Variants in FAM135A observed in about 807,000 individuals in gnomAD.
FAM135A encodes the protein family with sequence similarity 135 member A.
In FAM135A, 79 loss-of-function variants were observed where a neutral mutation model predicts 146.8. That is an observed-to-expected ratio of 0.54 (90% CI 0.45 to 0.65). The LOEUF (loss-of-function observed/expected upper bound fraction) is 0.65. FAM135A is among the 30% of genes least tolerant of loss of function. The pLI is 0.00. For synonymous variants in FAM135A, 562 were observed against 603.6 expected, an observed-to-expected ratio of 0.93 and a Z score of 1.01; for missense variants, 1,623 against 1,758.2, an observed-to-expected ratio of 0.92 and a Z score of 1.38.
chr6:70,521,187 A>G (rs573133892), intron 12 of FAM135A, among the ~76,000 whole-genome samples: 1 of 152,232 alleles, frequency 6.6e-6, no homozygotes, highest in South Asian at 2.1e-4. Flanking sequence ...TGTGGAGACT[A>G]TGAGGTAGAG....
chr6:70,447,109 A>G (rs946421445), intron 4 of FAM135A, among the ~76,000 whole-genome samples: 9 of 152,232 alleles, frequency 5.9e-5, no homozygotes, highest in Non-Finnish European at 8.8e-5. Flanking sequence ...GTGGACAGTC[A>G]GTGCTGTAGA....
chr6:70,536,464 G>T, intron 19 of FAM135A, 53 bp downstream of exon 19: 1 of 1,366,222 alleles, frequency 7.3e-7, no homozygotes, highest in South Asian at 1.9e-5. Flanking sequence ...AGAAAAATAT[G>T]AACTTAGTAT....
At chr6:70,424,618 T>C (rs1008014722) in intron 2 of FAM135A, among the ~76,000 whole-genome samples, 1 of 152,252 alleles carries the variant, frequency 6.6e-6, no homozygotes, top group Admixed American at 6.5e-5. Flanking sequence ...AAGAATTCCT[T>C]TGACCAAGGC....
intron 10 of FAM135A, among the ~76,000 whole-genome samples, chr6:70,482,691 A>G (rs1352202308): frequency 1.3e-5 from 2 of 152,184 alleles, no homozygotes; most frequent in Non-Finnish European, 2.9e-5. Context: ...TTCATTCAAA[A>G]GTAATACCTG....
At chr6:70,452,623 C>G (rs1313009020) in intron 5 of FAM135A, 52 bp downstream of exon 5, 30 of 1,375,396 alleles carry the variant, frequency 2.2e-5, no homozygotes, top group Non-Finnish European at 3.0e-5. Context: ...TGGTCAATAA[C>G]TTTTAATAAA....
At chr6:70,466,240 C>T (rs1204648378) in intron 5 of FAM135A, among the ~76,000 whole-genome samples, 1 of 152,002 alleles carries the variant, frequency 6.6e-6, no homozygotes, top group Non-Finnish European at 1.5e-5. Flanking sequence ...ACCCAGGTAC[C>T]CAACCTTTCA....
At chr6:70,433,771 T>G (rs954789625) in intron 4 of FAM135A, among the ~76,000 whole-genome samples, 5 of 152,196 alleles carry the variant, frequency 3.3e-5, no homozygotes, top group Non-Finnish European at 5.9e-5. Flanking sequence ...TCGGGTGTAA[T>G]AGATTATTCA....
At chr6:70,547,606 C>T (rs1474561098) in intron 20 of FAM135A, among the ~76,000 whole-genome samples, 3 of 152,066 alleles carry the variant, frequency 2.0e-5, no homozygotes, top group Non-Finnish European at 2.9e-5. Flanking sequence ...CAGAAAATCA[C>T]CAGTTTAGAA....
At chr6:70,458,308 T>TATTTACA (rs1778770232) in intron 5 of FAM135A, among the ~76,000 whole-genome samples, 2 of 152,210 alleles carry the variant, frequency 1.3e-5, no homozygotes, top group Non-Finnish European at 2.9e-5. Flanking sequence ...AAATTTTACC[T>TATTTACA]GTCATGTCTG....
chr6:70,516,756 C>T (rs563777634), intron 12 of FAM135A, among the ~76,000 whole-genome samples: 4 of 151,964 alleles, frequency 2.6e-5, no homozygotes, highest in Admixed American at 2.0e-4. Flanking sequence ...AGGATGGTCT[C>T]GATCTCCTGA....
chr6:70,467,941 T>TTTTGAA, intron 5 of FAM135A, among the ~76,000 whole-genome samples: 1 of 152,198 alleles, frequency 6.6e-6, no homozygotes, highest in Non-Finnish European at 1.5e-5. Context: ...AGTGTCCTTC[T>TTTTGAA]GATATTTGAT....
At chr6:70,503,460 CAT>C (rs1374432632) in intron 12 of FAM135A, 1 of 151,956 alleles carries the variant, frequency 6.6e-6, no homozygotes, top group Non-Finnish European at 1.5e-5. Flanking sequence ...AATTATAAAA[CAT>C]AACACATAAA....
chr6:70,508,827 A>G (rs1440074263), intron 12 of FAM135A, among the ~76,000 whole-genome samples: 3 of 152,220 alleles, frequency 2.0e-5, no homozygotes, highest in Non-Finnish European at 4.4e-5. Context: ...CAATATAAGT[A>G]TATCTGGTGC....
chr6:70,499,292 AT>A (rs1253246984), intron 11 of FAM135A, among the ~76,000 whole-genome samples: 2 of 152,098 alleles, frequency 1.3e-5, no homozygotes, highest in Non-Finnish European at 2.9e-5. Flanking sequence ...CTAGGATTTC[AT>A]CCCCTGCTGT....
At chr6:70,510,921 C>A (rs1033622727) in intron 12 of FAM135A, among the ~76,000 whole-genome samples, 1 of 152,042 alleles carries the variant, frequency 6.6e-6, no homozygotes, top group Non-Finnish European at 1.5e-5. Flanking sequence ...CATATACTTA[C>A]AAACACTTGT....
chr6:70,558,635 C>A lies in FAM135A; in HGVS notation c.4343-1081C>A, dbSNP rs1480484004. On this transcript the variant is annotated intron_variant, in intron 21 of 21. Transcript: ENST00000418814. The stretch of plus-strand genomic sequence containing the variant: ...GACTAGCTTGGGCAACATAGCAAGA[C>A]CCCATTCTACCAAAAATAAAAAATT... Among the ~76,000 whole-genome samples the A allele has an allele frequency of 2.6e-5, 4 of 152,008 alleles. No homozygotes were observed. In the South Asian group the frequency reaches 6.2e-4, roughly 24 times the overall value.
At chr6:70,434,066 T>A (rs998240360) in intron 4 of FAM135A, among the ~76,000 whole-genome samples, 1 of 152,196 alleles carries the variant, frequency 6.6e-6, no homozygotes, top group Non-Finnish European at 1.5e-5. Flanking sequence ...GGAATGTGGA[T>A]GTATGTCTTA....
intron 11 of FAM135A, among the ~76,000 whole-genome samples, chr6:70,500,020 G>A (rs1336320999): frequency 1.3e-5 from 2 of 152,078 alleles, no homozygotes; most frequent in East Asian, 1.9e-4. Context: ...TTGAATGTTG[G>A]CCTGTCATGC....
At chr6:70,460,955 C>T (rs1779320822) in intron 5 of FAM135A, among the ~76,000 whole-genome samples, 1 of 151,458 alleles carries the variant, frequency 6.6e-6, no homozygotes, top group Non-Finnish European at 1.5e-5. Context: ...TCCCGAGTAG[C>T]TGGGATTATA....
Sources: gnomAD v4.1 joint callset for allele counts (sites outside exome capture counted in the v4.1 genomes callset) on GRCh38, gnomAD v4.1.1 for gene constraint, MANE v1.5 for transcripts, NCBI Gene and HGNC (gene_info 2026-07-23, HGNC 2026-07-21) for gene names.